Variants in ZFHX3 observed in about 807,000 individuals in gnomAD.
ZFHX3 encodes the protein zinc finger homeobox 3, also known as zinc finger homeobox protein 3.
Under a neutral mutation model 279.1 loss-of-function variants are expected in ZFHX3, and 42 were observed. That is an observed-to-expected ratio of 0.15 (90% CI 0.12 to 0.19). The LOEUF is 0.19. Among genes scored for constraint, ZFHX3 ranks in the 10% least tolerant of loss-of-function variants. The probability of loss-of-function intolerance (pLI) is 1.00; values close to 1 mark genes in which losing one functional copy is unlikely to be tolerated. For synonymous variants in ZFHX3, 2,293 were observed against 1,957.8 expected (o/e 1.17, Z -4.52); for missense variants, 4,981 against 4,754.0 (o/e 1.05, Z -1.40).
At chr16:72,867,509 G>A (rs779058524) in intron 4 of ZFHX3, among the ~76,000 whole-genome samples, 1 of 152,160 alleles carries the variant, frequency 6.6e-6, no homozygotes, top group Non-Finnish European at 1.5e-5. Context: ...ACTGTAAGAA[G>A]CAACATCGTA....
chr16:73,320,332 C>A lies in ZFHX3; in HGVS notation c.-1290-1996G>T, dbSNP rs529263786. ...AACACAACAGTGAACAAAACTCAAC[C>A]CATGAGCTGTGGCTATAACCAATAG... On this transcript the variant is annotated intron_variant, in intron 3 of 17. Coordinates refer to the ZFHX3 transcript ENST00000641206. Among the ~76,000 whole-genome samples, 28 of 152,324 alleles carry A rather than the reference C, an allele frequency of 1.8e-4. 2 individuals carry two copies. The Middle Eastern group carries it at 0.014, about 74-fold the overall frequency.
At chr16:72,899,571 C>A (rs531884037) in intron 3 of ZFHX3, among the ~76,000 whole-genome samples, 1 of 152,302 alleles carries the variant, frequency 6.6e-6, no homozygotes, top group African/African-American at 2.4e-5. Flanking sequence ...ATTACTCTAG[C>A]TTGTGCTCAT....
chr16:72,948,931 G>T (rs1960837549), intron 3 of ZFHX3, among the ~76,000 whole-genome samples: 1 of 152,198 alleles, frequency 6.6e-6, no homozygotes, highest in East Asian at 1.9e-4. Flanking sequence ...AACTAAGCCA[G>T]TCCAGCAAGG....
chr16:73,039,721 G>T (rs185591882), intron 1 of ZFHX3, among the ~76,000 whole-genome samples: 1 of 152,182 alleles, frequency 6.6e-6, no homozygotes, highest in Admixed American at 6.5e-5. Flanking sequence ...TTTTAGTAGA[G>T]ATGGAGTTTC....
At chr16:73,586,881 G>A (rs2051932811) in intron 2 of ZFHX3, among the ~76,000 whole-genome samples, 1 of 152,114 alleles carries the variant, frequency 6.6e-6, no homozygotes, top group Admixed American at 6.5e-5. Context: ...ATTATAGTCT[G>A]TTTAGCATTT....
At chr16:72,887,483 A>G (rs922422452) in intron 4 of ZFHX3, among the ~76,000 whole-genome samples, 1 of 152,056 alleles carries the variant, frequency 6.6e-6, no homozygotes, top group African/African-American at 2.4e-5. Flanking sequence ...ATTTAATCAT[A>G]ATGGAAGGTG....
At chr16:73,831,989 C>T (rs894073376) in intron 1 of ZFHX3, among the ~76,000 whole-genome samples, 2 of 152,158 alleles carry the variant, frequency 1.3e-5, no homozygotes, top group Non-Finnish European at 2.9e-5. Flanking sequence ...CAACCTCTGC[C>T]GCCCGGGTTC....
chr16:72,935,734 A>G (rs948602212), intron 3 of ZFHX3, among the ~76,000 whole-genome samples: 1 of 71,638 alleles, frequency 1.4e-5, no homozygotes, highest in Non-Finnish European at 3.0e-5. Context: ...ACTCTGTCTT[A>G]AAAAAAAAAA....
intron 8 of ZFHX3, chr16:73,092,820 T>C (rs1314996866): frequency 2.2e-6 from 1 of 455,912 alleles, no homozygotes; most frequent in East Asian, 5.7e-5. Flanking sequence ...CCACTGCCCT[T>C]ACCTGAACAG....
At chr16:73,694,946 C>CA (rs2053183006) in intron 1 of ZFHX3, among the ~76,000 whole-genome samples, 1 of 152,186 alleles carries the variant, frequency 6.6e-6, no homozygotes, top group Non-Finnish European at 1.5e-5. Flanking sequence ...TCAAGAACTC[C>CA]AAAAGCCAAG....
intron 2 of ZFHX3, among the ~76,000 whole-genome samples, chr16:73,567,611 C>T (rs981693855): frequency 3.3e-5 from 5 of 152,340 alleles, no homozygotes; most frequent in East Asian, 1.9e-4. Context: ...ACAGTCCATA[C>T]TCAACCTCCA....
At chr16:72,887,334 G>C (rs1009828858) in intron 4 of ZFHX3, among the ~76,000 whole-genome samples, 4 of 152,086 alleles carry the variant, frequency 2.6e-5, no homozygotes, top group Admixed American at 2.6e-4. Context: ...ATTAATCATA[G>C]GTACCTAGAA....
intron 8 of ZFHX3, chr16:73,081,348 C>T (rs1285162095): frequency 6.6e-6 from 1 of 151,934 alleles, no homozygotes; most frequent in African/African-American, 2.4e-5. Context: ...CAATCTTCGC[C>T]TCCCAGGTTC....
At chr16:73,070,872 C>T (rs1019803949) in intron 8 of ZFHX3, among the ~76,000 whole-genome samples, 1 of 150,534 alleles carries the variant, frequency 6.6e-6, no homozygotes, top group South Asian at 2.1e-4. Flanking sequence ...TCACACTTTC[C>T]TTTGTTTTCT....
intron 2 of ZFHX3, chr16:73,499,422 C>T (rs76935654): frequency 1.3e-5 from 2 of 152,358 alleles, no homozygotes; most frequent in East Asian, 3.9e-4. Flanking sequence ...CAGGTGGCAA[C>T]TGACTGACGG....
chr16:73,783,334 T>C (rs1959535195), intron 1 of ZFHX3, among the ~76,000 whole-genome samples: 1 of 152,206 alleles, frequency 6.6e-6, no homozygotes, highest in South Asian at 2.1e-4. Context: ...TTGAACTCTT[T>C]CCTGTGTCCA....
At chr16:73,644,517 T>C (rs2052600808) in intron 2 of ZFHX3, among the ~76,000 whole-genome samples, 1 of 152,022 alleles carries the variant, frequency 6.6e-6, no homozygotes, top group African/African-American at 2.4e-5. Flanking sequence ...AAAAATTAGC[T>C]GGGCCTGGTG....
At chr16:73,479,910 G>A (rs769447922) in intron 2 of ZFHX3, among the ~76,000 whole-genome samples, 1 of 152,082 alleles carries the variant, frequency 6.6e-6, no homozygotes, top group Admixed American at 6.6e-5. Flanking sequence ...AGTAACCCCC[G>A]TTTATGGCTG....
At chr16:73,501,124 T>C (rs1340400721) in intron 2 of ZFHX3, among the ~76,000 whole-genome samples, 1 of 152,250 alleles carries the variant, frequency 6.6e-6, no homozygotes, top group Non-Finnish European at 1.5e-5. Flanking sequence ...TTTACCATTG[T>C]GTTATAAATG....
Sources: allele counts gnomAD v4.1 joint callset (sites outside exome capture counted in the v4.1 genomes callset), GRCh38; gene constraint gnomAD v4.1.1; transcripts MANE v1.5; gene names NCBI Gene and HGNC (gene_info 2026-07-23, HGNC 2026-07-21).